Variants in TIMP3 observed in about 807,000 individuals in gnomAD.
The protein encoded by TIMP3 is TIMP metallopeptidase inhibitor 3, also known as metalloproteinase inhibitor 3.
Under a neutral mutation model 30.0 loss-of-function variants are expected in TIMP3, and 11 were observed. The ratio of observed to expected loss-of-function variants is 0.37; its 90% CI spans 0.23 to 0.61. The LOEUF is 0.61. Among genes scored for constraint, TIMP3 ranks in the 20% least tolerant of loss-of-function variants. The probability of loss-of-function intolerance (pLI) is 0.70; values close to 1 mark genes in which losing one functional copy is unlikely to be tolerated. For missense variants in TIMP3, 181 were observed against 276.8 expected (o/e 0.65, Z 2.45); for synonymous variants, 112 against 111.3 (o/e 1.01, Z -0.04).
chr22:32,807,616 G>T (rs12484696), intron 1 of TIMP3, among the ~76,000 whole-genome samples: 4 of 149,436 alleles, frequency 2.7e-5, no homozygotes, highest in Non-Finnish European at 5.9e-5. Context: ...AGGAAACTGA[G>T]GCTTAGAAAA....
intron 1 of TIMP3, among the ~76,000 whole-genome samples, chr22:32,832,884 T>G (rs1323676151): frequency 1.3e-5 from 2 of 151,942 alleles, no homozygotes; most frequent in Non-Finnish European, 2.9e-5. Context: ...CGTACTACCA[T>G]TCCCAGCTAA....
At chr22:32,852,714 T>C (rs2048255308) in intron 2 of TIMP3, among the ~76,000 whole-genome samples, 1 of 151,626 alleles carries the variant, frequency 6.6e-6, no homozygotes, top group South Asian at 2.1e-4. Context: ...TCAGGAACAC[T>C]TCAGTACACA....
chr22:32,802,612 T>C (rs1339996872), intron 1 of TIMP3, among the ~76,000 whole-genome samples: 1 of 152,004 alleles, frequency 6.6e-6, no homozygotes. Flanking sequence ...TGAAATTCAT[T>C]CTTTTCACTG....
At chr22:32,825,985 G>C (rs1025507639) in intron 1 of TIMP3, among the ~76,000 whole-genome samples, 1 of 152,208 alleles carries the variant, frequency 6.6e-6, no homozygotes, top group African/African-American at 2.4e-5. Context: ...ATAGGGAAAA[G>C]TCTTGAAGGT....
chr22:32,814,349 G>GAAAGAAAGAAAGAA, intron 1 of TIMP3, among the ~76,000 whole-genome samples: 2 of 148,540 alleles, frequency 1.3e-5, no homozygotes, highest in African/African-American at 5.0e-5. Flanking sequence ...GAGAAAGAAA[G>GAAAGAAAGAAAGAA]AGAGAAAGAA....
intron 1 of TIMP3, among the ~76,000 whole-genome samples, chr22:32,810,935 G>T (rs2046899800): frequency 6.6e-6 from 1 of 152,150 alleles, no homozygotes; most frequent in Non-Finnish European, 1.5e-5. Context: ...CTACTCCCAA[G>T]CTTGGGCAGG....
At chr22:32,805,298 G>A (rs2046699048) in intron 1 of TIMP3, among the ~76,000 whole-genome samples, 1 of 152,172 alleles carries the variant, frequency 6.6e-6, no homozygotes, top group Admixed American at 6.5e-5. Flanking sequence ...TGTTCTGACA[G>A]GGGCCAGTGC....
intron 1 of TIMP3, among the ~76,000 whole-genome samples, chr22:32,806,025 A>G (rs2046725427): frequency 6.6e-6 from 1 of 151,958 alleles, no homozygotes. Flanking sequence ...CCTTGAAACC[A>G]TCAAGCCACA....
Position 32,860,490 on chromosome 22 carries a change from G to A in TIMP3, c.*1113G>A, listed in dbSNP as rs1337801513. 6.6e-6 allele frequency: 1 copy of A among 152,532 alleles called. No individual in the cohort carries two copies. Among genetic ancestry groups the A allele is most frequent in the Non-Finnish European group, 1.5e-5 (1 of 68,002 alleles). The allele number at this position is 152,532 out of a possible 1,614,324, so 9.4% of individuals were successfully genotyped here. On this transcript the variant is annotated 3_prime_UTR_variant, in exon 5 of 5. Transcript: ENST00000266085. ...ATAGTTTAATCTCTTCTATTTTGTT[G>A]TCGTTGCTTGTTTGAAGAAAATCAT...
chr22:32,829,022 G>A (rs1015613453), intron 1 of TIMP3, among the ~76,000 whole-genome samples: 8 of 152,118 alleles, frequency 5.3e-5, no homozygotes, highest in Non-Finnish European at 1.5e-5. Flanking sequence ...GAGACTACCA[G>A]CCTCCTCCCT....
Position 32,858,077 on chromosome 22 carries a change from A to G in TIMP3, c.377A>G (p.Gln126Arg). 6 of 1,614,182 alleles carry G rather than the reference A, an allele frequency of 3.7e-6. No homozygotes were observed. The highest frequency in any genetic ancestry group is 5.1e-6 in the Non-Finnish European group (6 of 1,180,024). Reference sequence around the variant, plus strand: ...TGCAACTTCGTGGAGAGGTGGGACCAGCTCACCCTCTCCCAGCGCAAGGGG... The same window carrying G: ...TGCAACTTCGTGGAGAGGTGGGACCGGCTCACCCTCTCCCAGCGCAAGGGG... The part of the protein sequence containing the change: ...GLCNFVERWD[Q>R]LTLSQRKGLN... Residue 126 changes from glutamine (Q) to arginine (R), a missense_variant, in exon 4 of 5, where the codon CAG becomes CGG. This residue lies in a region of TIMP3 where 63 missense variants were observed against 133.3 expected (regional missense o/e 0.47). Coordinates refer to ENST00000266085, the MANE Select transcript of TIMP3 (RefSeq NM_000362.5).
At chr22:32,802,428 C>T (rs1456892809) in intron 1 of TIMP3, among the ~76,000 whole-genome samples, 2 of 151,070 alleles carry the variant, frequency 1.3e-5, no homozygotes. Context: ...TCACTACTAA[C>T]GGAGGAAGGG....
intron 1 of TIMP3, among the ~76,000 whole-genome samples, chr22:32,822,070 G>A (rs1227543388): frequency 6.6e-6 from 1 of 150,572 alleles, no homozygotes; most frequent in Non-Finnish European, 1.5e-5. Context: ...CAGGAGAATT[G>A]CTTGAACCTG....
intron 1 of TIMP3, among the ~76,000 whole-genome samples, chr22:32,839,454 T>C (rs908090362): frequency 3.9e-5 from 6 of 152,130 alleles, no homozygotes; most frequent in Non-Finnish European, 7.4e-5. Context: ...AGTCGCCTCA[T>C]TGGACCCTTA....
At chr22:32,820,966 C>G (rs2047229974) in intron 1 of TIMP3, among the ~76,000 whole-genome samples, 1 of 152,130 alleles carries the variant, frequency 6.6e-6, no homozygotes, top group Admixed American at 6.5e-5. Context: ...TTCAAGGTCT[C>G]TGAGCCAAGC....
intron 1 of TIMP3, among the ~76,000 whole-genome samples, chr22:32,835,970 T>A (rs553786309): frequency 6.6e-6 from 1 of 152,346 alleles, no homozygotes; most frequent in East Asian, 1.9e-4. Context: ...TCTTGGGAAT[T>A]TTCCCTATCT....
intron 1 of TIMP3, among the ~76,000 whole-genome samples, chr22:32,841,577 G>A (rs1008418408): frequency 1.8e-4 from 28 of 151,998 alleles, no homozygotes; most frequent in African/African-American, 6.8e-4. Flanking sequence ...TCGAATTTGA[G>A]ATGTTTTATT....
At chr22:32,845,684 A>G (rs1000952041) in intron 1 of TIMP3, among the ~76,000 whole-genome samples, 9 of 152,106 alleles carry the variant, frequency 5.9e-5, no homozygotes, top group Non-Finnish European at 1.3e-4. Flanking sequence ...TCCAGCATGA[A>G]TGGGAATAAA....
intron 4 of TIMP3, 161 bp from the exon 5 acceptor site, chr22:32,859,019 C>G (rs1032957120): frequency 1.1e-5 from 8 of 708,626 alleles, no homozygotes; most frequent in Non-Finnish European, 2.1e-5. Flanking sequence ...TGTTAGACAG[C>G]AGATGCTCAA....
Sources: allele counts gnomAD v4.1 joint callset (sites outside exome capture counted in the v4.1 genomes callset), GRCh38; gene constraint gnomAD v4.1.1; regional missense constraint gnomAD v4.1.1; transcripts MANE v1.5; gene names NCBI Gene and HGNC (gene_info 2026-07-23, HGNC 2026-07-21).